GABRA1: variants seen among roughly 807,000 people sequenced by gnomAD.
GABRA1 encodes gamma-aminobutyric acid receptor subunit alpha-1.
Under a neutral mutation model 48.9 loss-of-function variants are expected in GABRA1, and 9 were observed. That is an observed-to-expected ratio of 0.18 (90% CI 0.11 to 0.32). The LOEUF is 0.32. Ranked by LOEUF, GABRA1 falls within the 10% of genes least tolerant of loss-of-function variation. GABRA1 has a pLI of 1.00. For synonymous variants in GABRA1, 210 were observed against 198.7 expected (o/e 1.06, Z -0.48); for missense variants, 285 against 553.8 (o/e 0.51, Z 4.87).
intron 7 of GABRA1, among the ~76,000 whole-genome samples, chr5:161,883,669 C>T (rs76960711): frequency 0.047 from 7,143 of 152,048 alleles, 212 homozygotes; most frequent in African/African-American, 0.074. Flanking sequence ...TAAGGAAATA[C>T]GATTTAGTAG....
intron 4 of GABRA1, among the ~76,000 whole-genome samples, chr5:161,871,894 A>T (rs1001193328): frequency 6.6e-6 from 1 of 152,204 alleles, no homozygotes; most frequent in Admixed American, 6.5e-5. Context: ...CTTGATCAGT[A>T]AGGGCTCAGT....
chr5:161,871,454 G>T (rs548862799), intron 4 of GABRA1, among the ~76,000 whole-genome samples: 26 of 152,228 alleles, frequency 1.7e-4, no homozygotes, highest in African/African-American at 6.3e-4. Context: ...AAGCTTGTCT[G>T]TCATCCAGAG....
chr5:161,884,303 T>C (rs1754743553), intron 7 of GABRA1, among the ~76,000 whole-genome samples: 1 of 152,152 alleles, frequency 6.6e-6, no homozygotes, highest in Non-Finnish European at 1.5e-5. Context: ...ATAATGGCAG[T>C]CACTACAGAT....
At chr5:161,892,909 CAGG>C (rs1755165473) in intron 8 of GABRA1, among the ~76,000 whole-genome samples, 1 of 151,446 alleles carries the variant, frequency 6.6e-6, no homozygotes, top group South Asian at 2.1e-4. Context: ...GAGGCTGAGG[CAGG>C]AGAATGGCTT....
At chr5:161,847,448 C>G (rs779681572), upstream of GABRA1, 7 of 152,216 alleles carry the variant, frequency 4.6e-5, no homozygotes, top group Non-Finnish European at 1.0e-4. Context: ...ATAACATAGA[C>G]AAACAGTTGC....
chr5:161,878,494 A>G (rs1177700038), intron 6 of GABRA1, among the ~76,000 whole-genome samples: 1 of 152,210 alleles, frequency 6.6e-6, no homozygotes, highest in African/African-American at 2.4e-5. Context: ...AGACAAGAGG[A>G]GTTTTCAATA....
chr5:161,861,689 G>A (rs78586512), intron 3 of GABRA1, among the ~76,000 whole-genome samples: 1 of 151,974 alleles, frequency 6.6e-6, no homozygotes, highest in Non-Finnish European at 1.5e-5. Context: ...TGGAGATGAA[G>A]GACAGGGGAC....
intron 7 of GABRA1, among the ~76,000 whole-genome samples, chr5:161,886,559 T>G (rs1168000689): frequency 6.6e-6 from 1 of 151,998 alleles, no homozygotes; most frequent in African/African-American, 2.4e-5. Context: ...TCAGATCACT[T>G]GAGACCAGGT....
chr5:161,869,371 G>C (rs953341521), intron 4 of GABRA1, among the ~76,000 whole-genome samples: 6 of 152,164 alleles, frequency 3.9e-5, no homozygotes, highest in Non-Finnish European at 5.9e-5. Flanking sequence ...GAAGGAAAGT[G>C]ACCTGCTAGC....
chr5:161,859,989 G>A (rs899316044), intron 3 of GABRA1, among the ~76,000 whole-genome samples: 2 of 151,430 alleles, frequency 1.3e-5, no homozygotes, highest in Non-Finnish European at 3.0e-5. Flanking sequence ...GGCTTTTAAT[G>A]CAAGGTATGG....
chr5:161,871,494 C>T (rs1474269843), intron 4 of GABRA1, among the ~76,000 whole-genome samples: 2 of 152,166 alleles, frequency 1.3e-5, no homozygotes, highest in East Asian at 3.9e-4. Flanking sequence ...GAGGTAGATC[C>T]ATCCACCCAG....
At position 161,898,637 on chromosome 5, in the gene GABRA1, A is replaced by C. The variant is rs1755479894; in HGVS notation, c.*1215A>C. ...TCCACTTATGTAGACAAAACTTATA[A>C]TTTCCAAACTGTTGTCTAGTATACA... On this transcript the variant is annotated 3_prime_UTR_variant, in exon 10 of 10. Transcript: ENST00000393943. The C allele has an allele frequency of 6.6e-6, 1 of 152,380 alleles. No individual in the cohort carries two copies. The highest frequency in any genetic ancestry group is 6.5e-5 in the Admixed American group (1 of 15,270). 9.4% of individuals were successfully genotyped at this position (152,380 alleles called of 1,614,324 possible). A position where few individuals can be genotyped will look rare whatever the true frequency, so the allele number is the denominator to read the frequency against.
chr5:161,883,000 C>T (rs932248753), intron 7 of GABRA1, among the ~76,000 whole-genome samples: 1 of 152,130 alleles, frequency 6.6e-6, no homozygotes, highest in African/African-American at 2.4e-5. Flanking sequence ...TGGGTTAAAT[C>T]CTTATTCCCC....
chr5:161,882,437 C>CT, intron 6 of GABRA1, 121 bp from the exon 7 acceptor site: 1 of 950,264 alleles, frequency 1.1e-6, no homozygotes, highest in South Asian at 1.4e-5. Flanking sequence ...ATAAGCTCAT[C>CT]TTTCCTAGCC....
chr5:161,859,110 TG>T (rs34038260), intron 3 of GABRA1, among the ~76,000 whole-genome samples: 3 of 151,724 alleles, frequency 2.0e-5, no homozygotes, highest in African/African-American at 7.3e-5. Context: ...TTTTTGGTTT[TG>T]GGGGTTTTGT....
intron 7 of GABRA1, among the ~76,000 whole-genome samples, chr5:161,884,478 T>C (rs968513009): frequency 1.3e-5 from 2 of 152,152 alleles, no homozygotes; most frequent in South Asian, 2.1e-4. Context: ...TTATTTTCTG[T>C]AGTAGTTGAG....
chr5:161,866,845 T>C (rs1753882122), intron 4 of GABRA1, among the ~76,000 whole-genome samples: 1 of 152,118 alleles, frequency 6.6e-6, no homozygotes, highest in Non-Finnish European at 1.5e-5. Context: ...TTTTGAAATA[T>C]GCCAACTGGA....
chr5:161,853,120 A>C (rs1016830342), intron 2 of GABRA1, among the ~76,000 whole-genome samples: 6 of 151,898 alleles, frequency 4.0e-5, no homozygotes, highest in Admixed American at 3.3e-4. Context: ...AATGTGATCC[A>C]TCCTAAGATA....
At chr5:161,888,219 G>A (rs755467766) in intron 7 of GABRA1, among the ~76,000 whole-genome samples, 12 of 152,084 alleles carry the variant, frequency 7.9e-5, no homozygotes, top group Non-Finnish European at 1.6e-4. Flanking sequence ...ATGTCTAGAC[G>A]TATTATTTCA....
Sources: allele counts gnomAD v4.1 joint callset (sites outside exome capture counted in the v4.1 genomes callset), GRCh38; gene constraint gnomAD v4.1.1; transcripts MANE v1.5; gene names NCBI Gene and HGNC (gene_info 2026-07-23, HGNC 2026-07-21).